Variants in GPLD1 observed in about 807,000 individuals in gnomAD.
GPLD1 encodes glycosylphosphatidylinositol specific phospholipase D1, also known as phosphatidylinositol-glycan-specific phospholipase D.
A neutral mutation model predicts 112.6 loss-of-function variants in GPLD1; 84 were observed. The observed-to-expected ratio is 0.75, with a 90% CI of 0.63 to 0.89. GPLD1 has a LOEUF of 0.89. GPLD1 is among the 40% of genes least tolerant of loss of function. GPLD1 has a pLI of 0.00. For missense variants in GPLD1, 1,044 were observed against 1,051.5 expected, an observed-to-expected ratio of 0.99 and a Z score of 0.10; for synonymous variants, 386 against 403.8, an observed-to-expected ratio of 0.96 and a Z score of 0.53.
In GPLD1 at chr6:24,475,137, A is replaced by C. The variant is rs1388046276; in HGVS notation, c.425T>G (p.Leu142Arg). Residue 142 changes from leucine (L) to arginine (R), a missense_variant, in exon 5 of 25, where the codon CTT becomes CGT. Leu to Arg is a moderately radical substitution (Grantham distance 102, BLOSUM62 -2). Coordinates refer to ENST00000230036, the MANE Select transcript of GPLD1 (RefSeq NM_001503.4). ...TGTACTCACAGCTCCCATGGTCCTA[A>C]GGAATCCTTGTTCAAGGCCCAGACT... ...WHSLGLEQGFLRTMGAIDFHG... is the reference protein window; with the variant it reads ...WHSLGLEQGFRRTMGAIDFHG... 6.3e-7 allele frequency: 1 copy of C among 1,589,522 alleles called. No individual in the cohort carries two copies.
Position 24,452,464 on chromosome 6 carries a change from T to C in GPLD1, c.1335+1551A>G, listed in dbSNP as rs147883750. Among the ~76,000 whole-genome samples the C allele has an allele frequency of 8.1e-3, 1,232 of 152,236 alleles. 18 individuals are homozygous for C. Among genetic ancestry groups the C allele is most frequent in the African/African-American group, 0.027 (1,128 of 41,540 alleles). On this transcript the variant is annotated intron_variant, in intron 14 of 24. Transcript: ENST00000230036. ...GAGCCTAAACTAGATCATAAATCAT[T>C]GTACTTCTTATTTTTGAAAGCGTGT...
chr6:24,456,674 G>A (rs115941238), intron 12 of GPLD1, 37 bp from the exon 13 acceptor site: 19,076 of 1,457,988 alleles, frequency 0.013, 484 homozygotes, highest in Non-Finnish European at 0.01. Flanking sequence ...GTAAAGACAC[G>A]TAGCATAATC....
upstream of GPLD1, among the ~76,000 whole-genome samples, chr6:24,491,849 T>C (rs1440095502): frequency 1.3e-5 from 2 of 152,244 alleles, no homozygotes; most frequent in Non-Finnish European, 2.9e-5. Flanking sequence ...CTTAGTGTGA[T>C]AGTTATGAAT....
intron 12 of GPLD1, among the ~76,000 whole-genome samples, chr6:24,457,316 C>CA (rs748991266): frequency 1.3e-5 from 2 of 151,880 alleles, no homozygotes. Flanking sequence ...CCCATCTCAA[C>CA]AAAAAATACA....
At chr6:24,473,819 G>C (rs1289987591) in intron 5 of GPLD1, 152 bp from the exon 6 acceptor site, 1 of 527,364 alleles carries the variant, frequency 1.9e-6, no homozygotes. Flanking sequence ...CATTTTATTA[G>C]TAAAAAAATA....
At chr6:24,432,269 G>GGTGT (rs1029412801) in intron 24 of GPLD1, among the ~76,000 whole-genome samples, 1 of 94,346 alleles carries the variant, frequency 1.1e-5, no homozygotes, top group Admixed American at 1.0e-4. Context: ...AAAAAAAAAA[G>GGTGT]GTGTGTGTGT....
At chr6:24,457,914 G>C (rs1326711365) in intron 12 of GPLD1, among the ~76,000 whole-genome samples, 1 of 151,798 alleles carries the variant, frequency 6.6e-6, no homozygotes, top group Non-Finnish European at 1.5e-5. Flanking sequence ...CCCAAGCTGA[G>C]ATGTGGTTGT....
intron 24 of GPLD1, among the ~76,000 whole-genome samples, 185 bp downstream of exon 24, chr6:24,433,002 A>T (rs561437615): frequency 6.6e-6 from 1 of 152,366 alleles, no homozygotes; most frequent in African/African-American, 2.4e-5. Context: ...AGGATAAAAT[A>T]GGAAGAGTAA....
intron 24 of GPLD1, 42 bp downstream of exon 24, chr6:24,433,145 G>C: frequency 7.4e-7 from 1 of 1,352,420 alleles, no homozygotes. Flanking sequence ...CCCACCCGTA[G>C]TACTAACATA....
intron 18 of GPLD1, 52 bp from the exon 19 acceptor site, chr6:24,445,883 G>A (rs761409402): frequency 1.6e-6 from 2 of 1,286,824 alleles, no homozygotes; most frequent in South Asian, 2.4e-5. Context: ...CTGACAGCTG[G>A]CCAGGTACTC....
chr6:24,440,134 T>G (rs1463810894), intron 20 of GPLD1, among the ~76,000 whole-genome samples: 2 of 152,206 alleles, frequency 1.3e-5, no homozygotes, highest in Non-Finnish European at 2.9e-5. Context: ...TATCATCTTG[T>G]AATGTGGTTC....
chr6:24,453,375 C>T (rs1763155611), intron 14 of GPLD1, among the ~76,000 whole-genome samples: 1 of 152,212 alleles, frequency 6.6e-6, no homozygotes, highest in South Asian at 2.1e-4. Context: ...GTGGCTCACG[C>T]CTGTAATCCC....
upstream of GPLD1, among the ~76,000 whole-genome samples, chr6:24,490,656 G>A (rs917572149): frequency 2.6e-5 from 4 of 152,052 alleles, no homozygotes; most frequent in Admixed American, 1.3e-4. Context: ...GGAGGCTGAG[G>A]TGGGAGGATC....
At position 24,446,996 on chromosome 6, in the gene GPLD1, A is replaced by G. The variant is rs1341006459; in HGVS notation, c.1679-17T>C. 3.7e-6 allele frequency: 6 copies of G among 1,609,890 alleles called. No homozygotes were observed. The highest frequency in any genetic ancestry group is 1.3e-5 in the African/African-American group (1 of 74,782). On this transcript the variant is annotated splice_polypyrimidine_tract_variant and intron_variant, in intron 17 of 24. Coordinates refer to ENST00000230036, the MANE Select transcript of GPLD1 (RefSeq NM_001503.4). The stretch of plus-strand genomic sequence containing the variant: ...TCAGTTTTTCTAAAGAAGACAACTC[A>G]TCCTTTTTACTAATACTTTAAGTGA...
chr6:24,436,476 A>C, intron 22 of GPLD1, 100 bp downstream of exon 22: 9 of 983,818 alleles, frequency 9.1e-6, no homozygotes, highest in African/African-American at 1.6e-5. Context: ...CCTAGGAGGT[A>C]TGAATTCAGG....
rs2127302307 is a variant in GPLD1, at chr6:24,426,092, G to C, written c.*2940C>G. 6.6e-6 allele frequency: 1 copy of C among 152,272 alleles called. No homozygotes were observed. The highest frequency in any genetic ancestry group is 2.4e-5 in the African/African-American group (1 of 41,554). 9.4% of individuals were successfully genotyped at this position (152,272 alleles called of 1,614,324 possible). On this transcript the variant is annotated 3_prime_UTR_variant, in exon 25 of 25. Transcript: ENST00000230036. ...AAAACAATTCCTATCTTGAAGCCTT[G>C]AGAAAAGCTGTTACATATACGCAGA...
intron 12 of GPLD1, among the ~76,000 whole-genome samples, chr6:24,457,763 C>G (rs887119282): frequency 3.3e-5 from 5 of 152,044 alleles, no homozygotes; most frequent in Admixed American, 6.6e-5. Flanking sequence ...GTCCCAGCTA[C>G]TTGGGAGGCT....
Position 24,467,149 on chromosome 6 carries a change from CCT to C in GPLD1, c.653+16_653+17del, listed in dbSNP as rs761648402. The C allele has an allele frequency of 7.3e-7, 1 of 1,374,130 alleles. No individual in the cohort carries two copies. The highest frequency in any genetic ancestry group is 1.2e-5 in the South Asian group (1 of 85,778). 85.1% of individuals were successfully genotyped at this position (1,374,130 alleles called of 1,614,324 possible). ...CACAACAAAATCAGCTGCAAATTGT[CCT>C]CTGAGTTACGCTTACATTTCTAAGA... On this transcript the variant is annotated intron_variant, in intron 8 of 24. Coordinates refer to ENST00000230036, the MANE Select transcript of GPLD1 (RefSeq NM_001503.4).
At chr6:24,484,291 A>G (rs1346976093) in intron 2 of GPLD1, among the ~76,000 whole-genome samples, 1 of 151,408 alleles carries the variant, frequency 6.6e-6, no homozygotes, top group East Asian at 2.0e-4. Flanking sequence ...AGCTCACTTC[A>G]GCCTCTACCT....
Sources: gnomAD v4.1 joint callset for allele counts (sites outside exome capture counted in the v4.1 genomes callset) on GRCh38, gnomAD v4.1.1 for gene constraint, MANE v1.5 for transcripts, NCBI Gene and HGNC (gene_info 2026-07-23, HGNC 2026-07-21) for gene names.